Variants in CTTNBP2 observed in about 807,000 individuals in gnomAD.
CTTNBP2 encodes the protein cortactin binding protein 2, also known as cortactin-binding protein 2.
Under a neutral mutation model 156.9 loss-of-function variants are expected in CTTNBP2, and 108 were observed. The observed-to-expected ratio is 0.69, with a 90% CI of 0.59 to 0.81. CTTNBP2 has a LOEUF of 0.81. CTTNBP2 is among the 30% of genes least tolerant of loss of function. The pLI, the probability that CTTNBP2 is intolerant of heterozygous loss-of-function variation, is 0.00. For synonymous variants in CTTNBP2, 767 were observed against 751.8 expected, an observed-to-expected ratio of 1.02 and a Z score of -0.33; for missense variants, 1,924 against 2,035.4, an observed-to-expected ratio of 0.95 and a Z score of 1.05.
chr7:117,852,000 T>C (rs1295627491), intron 2 of CTTNBP2, among the ~76,000 whole-genome samples: 2 of 152,116 alleles, frequency 1.3e-5, no homozygotes, highest in African/African-American at 4.8e-5. Context: ...TAAAACTAGA[T>C]TCTGTTGATT....
At chr7:117,733,709 A>G (rs1459231732) in intron 16 of CTTNBP2, among the ~76,000 whole-genome samples, 1 of 152,146 alleles carries the variant, frequency 6.6e-6, no homozygotes, top group African/African-American at 2.4e-5. Flanking sequence ...TCAGATATTA[A>G]TTCTAATTAC....
At chr7:117,745,741 C>T in intron 14 of CTTNBP2, 90 bp downstream of exon 14, 2 of 830,774 alleles carry the variant, frequency 2.4e-6, no homozygotes, top group Non-Finnish European at 4.0e-6. Context: ...TTAAATGTAT[C>T]CCCAAGCAAC....
At position 117,791,644 on chromosome 7, in the gene CTTNBP2, C is replaced by T. The variant is rs1799019400; in HGVS notation, c.1552G>A (p.Val518Ile). 6.2e-7 allele frequency: 1 copy of T among 1,614,176 alleles called. No individual in the cohort carries two copies. The highest frequency in any genetic ancestry group is 1.6e-4 in the Middle Eastern group (1 of 6,062). The change falls in exon 4 of 23, where the codon GTT (valine) becomes ATT (isoleucine). Residue 518 changes from valine to isoleucine, a missense_variant. By Grantham distance (29) the Val-to-Ile change is conservative. Coordinates refer to ENST00000160373, the MANE Select transcript of CTTNBP2 (RefSeq NM_033427.3). ...SRPGVPPTGD[V>I]GTHPPVGRTS... is the part of the protein sequence containing the mutation. ...CGACCAACTGGAGGGTGGGTGCCAA[C>T]ATCCCCTGTTGGGGGCACTCCAGGC...
chr7:117,795,184 C>G (rs866637779), intron 3 of CTTNBP2, among the ~76,000 whole-genome samples: 1 of 151,730 alleles, frequency 6.6e-6, no homozygotes, highest in Non-Finnish European at 1.5e-5. Flanking sequence ...GCGTGACGAC[C>G]GCGCCCGGCC....
At chr7:117,742,918 G>A (rs908258160) in intron 14 of CTTNBP2, among the ~76,000 whole-genome samples, 2 of 152,208 alleles carry the variant, frequency 1.3e-5, no homozygotes, top group Non-Finnish European at 2.9e-5. Context: ...GAAAGCTGCT[G>A]CCCCTCCTGG....
chr7:117,781,707 C>CA (rs1376567078), intron 6 of CTTNBP2, among the ~76,000 whole-genome samples: 3 of 152,208 alleles, frequency 2.0e-5, no homozygotes, highest in Non-Finnish European at 2.9e-5. Flanking sequence ...CACTATACTC[C>CA]AGCCTGGCGA....
rs112958702 is a variant in CTTNBP2 at position 117,757,938 on chromosome 7, C to T, written c.3205G>A (p.Ala1069Thr). The T allele has an allele frequency of 1.4e-5, 22 of 1,613,496 alleles. No homozygotes were observed. The highest frequency in any genetic ancestry group is 8.0e-5 in the African/African-American group (6 of 75,000). Residue 1069 changes from alanine to threonine, a missense_variant, in exon 11 of 23, where the codon GCG becomes ACG. Ala to Thr is a moderately conservative substitution (Grantham distance 58, BLOSUM62 0). Transcript: ENST00000160373. ...NVPWSVGQSF[A>T]QSPWDFMRKN... Reference sequence around the variant, plus strand: ...CTCATAAAGTCCCACGGGGACTGCGCGAAGCTCTGACCCACTGACCACGGC... The same window carrying T: ...CTCATAAAGTCCCACGGGGACTGCGTGAAGCTCTGACCCACTGACCACGGC...
At position 117,858,737 on chromosome 7, in the gene CTTNBP2, A is replaced by G. The variant is rs543800672; in HGVS notation, c.189+2472T>C. On this transcript the variant is annotated intron_variant, in intron 2 of 22. Coordinates refer to ENST00000160373, the MANE Select transcript of CTTNBP2 (RefSeq NM_033427.3). ...CATTCCTTTCACTGGAACCTTCTAT[A>G]TGACCAGTCTAGAGGGTAACTCCTT... 1.4e-3 allele frequency among the ~76,000 whole-genome samples: 217 copies of G among 152,308 alleles called. 3 individuals are homozygous for G. Among genetic ancestry groups the G allele is most frequent in the South Asian group, 0.011 (52 of 4,818 alleles).
chr7:117,812,281 G>A lies in CTTNBP2; in HGVS notation c.190-1292C>T, dbSNP rs376106567. ...TCAGGTCATTTTGGAATAGCCACTAGAATGAAAAAAAATCTATGTCACTGC... is the reference window on the plus strand; with the variant it reads ...TCAGGTCATTTTGGAATAGCCACTAAAATGAAAAAAAATCTATGTCACTGC... On this transcript the variant is annotated intron_variant, in intron 2 of 22. Coordinates refer to ENST00000160373, the MANE Select transcript of CTTNBP2 (RefSeq NM_033427.3). 1.7e-4 allele frequency among the ~76,000 whole-genome samples: 26 copies of A among 151,584 alleles called. 1 individual carries two copies. In the East Asian group the frequency reaches 1.9e-3, roughly 11 times the overall value.
intron 3 of CTTNBP2, among the ~76,000 whole-genome samples, chr7:117,803,845 C>T (rs1000689184): frequency 5.3e-5 from 8 of 151,998 alleles, no homozygotes; most frequent in African/African-American, 1.4e-4. Context: ...TATATTTTGT[C>T]CTTAAAAAAG....
chr7:117,731,845 T>C (rs1795418879), intron 16 of CTTNBP2, among the ~76,000 whole-genome samples: 1 of 152,238 alleles, frequency 6.6e-6, no homozygotes. Context: ...TGTAGCTGAT[T>C]ACATGAACTT....
chr7:117,724,028 C>A (rs955671121), intron 19 of CTTNBP2, among the ~76,000 whole-genome samples: 14 of 151,960 alleles, frequency 9.2e-5, no homozygotes, highest in Admixed American at 6.6e-5. Flanking sequence ...CCATGCCTGG[C>A]CGGAATATAT....
chr7:117,735,209 C>A, intron 15 of CTTNBP2, 60 bp downstream of exon 15: 1 of 1,593,210 alleles, frequency 6.3e-7, no homozygotes, highest in Non-Finnish European at 8.5e-7. Flanking sequence ...CTCTGGGAAA[C>A]AGAAAGATTA....
chr7:117,804,193 T>C (rs1243241982), intron 3 of CTTNBP2, among the ~76,000 whole-genome samples: 1 of 152,080 alleles, frequency 6.6e-6, no homozygotes, highest in Non-Finnish European at 1.5e-5. Context: ...AAACTCCTGA[T>C]CTCAAGTGAT....
intron 2 of CTTNBP2, among the ~76,000 whole-genome samples, chr7:117,815,002 G>T (rs1037144078): frequency 6.6e-6 from 1 of 152,164 alleles, no homozygotes; most frequent in African/African-American, 2.4e-5. Context: ...AGGCAAAAAT[G>T]AATGTCAAAG....
intron 6 of CTTNBP2, among the ~76,000 whole-genome samples, 159 bp from the exon 7 acceptor site, chr7:117,780,750 T>A (rs920812053): frequency 1.2e-4 from 18 of 152,240 alleles, no homozygotes; most frequent in Non-Finnish European, 1.5e-5. Context: ...TCTTATTACA[T>A]GACTACTGTT....
At chr7:117,772,243 A>G (rs1266912190) in intron 8 of CTTNBP2, among the ~76,000 whole-genome samples, 1 of 152,232 alleles carries the variant, frequency 6.6e-6, no homozygotes, top group Non-Finnish European at 1.5e-5. Flanking sequence ...GAATGTGACC[A>G]GACAGCAGAT....
chr7:117,797,923 G>A (rs896103319), intron 3 of CTTNBP2, among the ~76,000 whole-genome samples: 1 of 152,064 alleles, frequency 6.6e-6, no homozygotes, highest in East Asian at 1.9e-4. Context: ...TTACAAATTT[G>A]ATTAAAAAGG....
At chr7:117,746,193 C>G in intron 12 of CTTNBP2, 94 bp from the exon 13 acceptor site, 2 of 788,208 alleles carry the variant, frequency 2.5e-6, no homozygotes, top group Non-Finnish European at 4.3e-6. Context: ...TTTGATTGTC[C>G]TCATACTTTC....
Sources: allele counts gnomAD v4.1 joint callset (sites outside exome capture counted in the v4.1 genomes callset), GRCh38; gene constraint gnomAD v4.1.1; transcripts MANE v1.5; gene names NCBI Gene and HGNC (gene_info 2026-07-23, HGNC 2026-07-21).